DMD: variants seen among roughly 807,000 people sequenced by gnomAD.
The protein encoded by DMD is dystrophin, also known as mutant dystrophin.
A neutral mutation model predicts 330.1 loss-of-function variants in DMD; 63 were observed. That is an observed-to-expected ratio of 0.19 (90% CI 0.16 to 0.24). The LOEUF is 0.24. Among genes scored for constraint, DMD ranks in the 10% least tolerant of loss-of-function variants. The pLI is 1.00. For missense variants in DMD, 3,344 were observed against 2,684.1 expected (o/e 1.25, Z -5.43); for synonymous variants, 1,223 against 959.8 (o/e 1.27, Z -5.07).
intron 47 of DMD, among the ~76,000 whole-genome samples, chrX:31,880,674 G>A (rs917681889): frequency 1.8e-5 from 2 of 112,057 alleles, no homozygotes; most frequent in African/African-American, 6.5e-5. Flanking sequence ...TCAGTCAACA[G>A]ACTGACTGTG....
intron 34 of DMD, among the ~76,000 whole-genome samples, chrX:32,374,944 C>T (rs940424699): frequency 9.0e-6 from 1 of 111,502 alleles, no homozygotes; most frequent in Non-Finnish European, 1.9e-5. Flanking sequence ...TTCTTGTTTA[C>T]AAAAAGGGAA....
intron 44 of DMD, among the ~76,000 whole-genome samples, chrX:32,025,887 A>G (rs1405335447): frequency 8.9e-6 from 1 of 112,182 alleles, no homozygotes; most frequent in Non-Finnish European, 1.9e-5. Flanking sequence ...AACAAGTGAG[A>G]AAGTGAATAG....
chrX:32,103,538 A>G (rs112399130), intron 44 of DMD, among the ~76,000 whole-genome samples: 4 of 112,130 alleles, frequency 3.6e-5, no homozygotes, highest in African/African-American at 1.3e-4. Context: ...TAAAGGTCTA[A>G]CAATTGATCA....
rs777787629 is a variant in DMD, at chrX:32,715,350, G to A, written c.650-16057C>T. Among the ~76,000 whole-genome samples the A allele has an allele frequency of 1.9e-4, 20 of 107,955 alleles. No homozygotes were observed. The East Asian group carries it at 2.9e-3, about 16-fold the overall frequency. 93.7% of individuals were successfully genotyped at this position (107,955 alleles called of 115,157 possible). ...AAATTAGTTTGGCTTGGTGGTGTGC[G>A]CCTGTAATCCCAGCTATTCAGGAGG... On this transcript the variant is annotated intron_variant, in intron 7 of 78. Coordinates refer to ENST00000357033, the MANE Select transcript of DMD (RefSeq NM_004006.3).
At chrX:32,781,802 C>T in intron 7 of DMD, among the ~76,000 whole-genome samples, 1 of 111,350 alleles carries the variant, frequency 9.0e-6, no homozygotes, top group South Asian at 3.8e-4. Flanking sequence ...CTAGCCTAAA[C>T]ATAAGGAAGA....
At chrX:31,223,242 T>C (rs960787341) in intron 63 of DMD, 121 bp from the exon 64 acceptor site, 11 of 611,537 alleles carry the variant, frequency 1.8e-5, no homozygotes, top group South Asian at 4.7e-5. Flanking sequence ...AGAAAACATA[T>C]AGTGTGTATA....
At chrX:31,521,251 C>A (rs182341361) in intron 55 of DMD, among the ~76,000 whole-genome samples, 17 of 107,370 alleles carry the variant, frequency 1.6e-4, no homozygotes, top group Admixed American at 1.4e-3. Context: ...CTCTGTCCCC[C>A]TCCTGGGTTC....
chrX:31,944,101 A>G (rs1055118747), intron 45 of DMD, among the ~76,000 whole-genome samples: 6 of 112,007 alleles, frequency 5.4e-5, no homozygotes, highest in Non-Finnish European at 7.5e-5. Context: ...TATTCCCTGA[A>G]ACAGTATTTC....
chrX:33,300,309 C>T (rs2053643532), intron 1 of DMD, among the ~76,000 whole-genome samples: 1 of 112,344 alleles, frequency 8.9e-6, no homozygotes, highest in Non-Finnish European at 1.9e-5. Context: ...TTGGCAAAGG[C>T]CAGAATTCTT....
At chrX:32,823,196 T>G in intron 5 of DMD, 99 bp downstream of exon 5, 3 of 688,800 alleles carry the variant, frequency 4.4e-6, no homozygotes, top group Non-Finnish European at 7.0e-6. Flanking sequence ...GCAGGGTTTG[T>G]TATTGTTAGA....
At chrX:32,673,970 G>T (rs1408374288) in intron 9 of DMD, among the ~76,000 whole-genome samples, 1 of 111,688 alleles carries the variant, frequency 9.0e-6, no homozygotes, top group East Asian at 2.8e-4. Flanking sequence ...AAAACACCTT[G>T]TTATCACTCA....
intron 20 of DMD, among the ~76,000 whole-genome samples, chrX:32,488,991 A>T (rs1199423672): frequency 9.0e-6 from 1 of 110,914 alleles, no homozygotes; most frequent in Non-Finnish European, 1.9e-5. Flanking sequence ...AAAAGTCTCA[A>T]CTCAAATGTT....
chrX:32,388,005 G>T (rs1393562385), intron 32 of DMD, among the ~76,000 whole-genome samples: 1 of 111,530 alleles, frequency 9.0e-6, no homozygotes, highest in Non-Finnish European at 1.9e-5. Context: ...AACATGTCTT[G>T]AAGGCAAGAC....
chrX:31,473,089 G>A (rs2067421844), intron 59 of DMD, among the ~76,000 whole-genome samples: 1 of 111,129 alleles, frequency 9.0e-6, no homozygotes, highest in South Asian at 3.8e-4. Flanking sequence ...GGGCGCAGTG[G>A]CTCACGCCTG....
intron 25 of DMD, among the ~76,000 whole-genome samples, chrX:32,455,555 T>C (rs1192878474): frequency 1.8e-5 from 2 of 111,191 alleles, no homozygotes; most frequent in Non-Finnish European, 3.8e-5. Context: ...GCAAAACATA[T>C]AAAAATGTTA....
chrX:32,980,297 C>T (rs1390945234), intron 2 of DMD, among the ~76,000 whole-genome samples: 2 of 91,063 alleles, frequency 2.2e-5, no homozygotes, highest in African/African-American at 8.6e-5. Flanking sequence ...ACCCAGGAGG[C>T]GGAGGTTGCA....
chrX:31,544,775 T>C (rs2074051141), intron 55 of DMD, among the ~76,000 whole-genome samples: 2 of 111,216 alleles, frequency 1.8e-5, no homozygotes, highest in African/African-American at 3.3e-5. Context: ...GCCATGAACC[T>C]AGCGATGGGT....
intron 44 of DMD, among the ~76,000 whole-genome samples, chrX:32,178,325 A>T (rs1480375575): frequency 5.4e-5 from 6 of 110,370 alleles, no homozygotes; most frequent in African/African-American, 2.0e-4. Context: ...ATGTGTTTGT[A>T]AAATAAATTT....
chrX:32,788,383 G>A (rs1434234660), intron 7 of DMD, among the ~76,000 whole-genome samples: 7 of 111,689 alleles, frequency 6.3e-5, no homozygotes, highest in Admixed American at 4.8e-4. Context: ...GATTTTGGCC[G>A]TTGTCCTAGC....
Sources: gnomAD v4.1 joint callset for allele counts (sites outside exome capture counted in the v4.1 genomes callset) on GRCh38, gnomAD v4.1.1 for gene constraint, MANE v1.5 for transcripts, NCBI Gene and HGNC (gene_info 2026-07-23, HGNC 2026-07-21) for gene names.